The following RNF216 variants were observed in gnomAD, a reference collection of about 807,000 sequenced individuals.
The protein encoded by RNF216 is E3 ubiquitin-protein ligase RNF216.
RNF216 carries 72 observed loss-of-function variants against 110.8 expected under a neutral mutation model. The ratio of observed to expected loss-of-function variants is 0.65; its 90% confidence interval spans 0.54 to 0.79. RNF216 has a LOEUF of 0.79. Ranked by LOEUF, RNF216 falls within the 30% of genes least tolerant of loss-of-function variation. The probability of loss-of-function intolerance (pLI) is 0.00; values close to 1 mark genes in which losing one functional copy is unlikely to be tolerated. For synonymous variants in RNF216, 495 were observed against 407.5 expected (o/e 1.21, Z -2.59); for missense variants, 1,342 against 1,141.2 (o/e 1.18, Z -2.54).
intron 13 of RNF216, among the ~76,000 whole-genome samples, chr7:5,666,971 T>A (rs1179817298): frequency 6.6e-6 from 1 of 152,112 alleles, no homozygotes; most frequent in African/African-American, 2.4e-5. Context: ...CATGCCACCA[T>A]ACCTGGCTAA....
At chr7:5,706,300 T>A (rs1584483912) in intron 13 of RNF216, among the ~76,000 whole-genome samples, 1 of 151,482 alleles carries the variant, frequency 6.6e-6, no homozygotes, top group African/African-American at 2.4e-5. Flanking sequence ...GTGTACAGGG[T>A]CTGTTAGCAA....
intron 9 of RNF216, 56 bp downstream of exon 9, chr7:5,720,977 T>G (rs1428336021): frequency 4.4e-6 from 7 of 1,583,422 alleles, no homozygotes; most frequent in Admixed American, 1.7e-5. Flanking sequence ...AACTAAACCC[T>G]AAGAGCAAAC....
At chr7:5,732,209 T>C (rs1465983235) in intron 5 of RNF216, among the ~76,000 whole-genome samples, 2 of 152,170 alleles carry the variant, frequency 1.3e-5, no homozygotes, top group Non-Finnish European at 2.9e-5. Flanking sequence ...AATTCACTGG[T>C]GTGCACTGAG....
intron 13 of RNF216, among the ~76,000 whole-genome samples, chr7:5,706,454 C>T (rs778393807): frequency 3.9e-5 from 6 of 152,154 alleles, no homozygotes; most frequent in African/African-American, 9.7e-5. Context: ...TACTTTAGAT[C>T]CTGCATTTAA....
At chr7:5,668,914 A>G (rs1415791477) in intron 13 of RNF216, among the ~76,000 whole-genome samples, 1 of 152,240 alleles carries the variant, frequency 6.6e-6, no homozygotes, top group Non-Finnish European at 1.5e-5. Flanking sequence ...TGATGCCTCT[A>G]GATGTGACTA....
In RNF216 at chr7:5,739,256, A is replaced by T. The variant is rs1023422888; in HGVS notation, c.1121+20T>A. Reference sequence around the variant, plus strand: ...ACCACCACCACCACCACCACAAAAAAAGCATGGTAGTATACTTACACATTC... The same window carrying T: ...ACCACCACCACCACCACCACAAAAATAGCATGGTAGTATACTTACACATTC... On this transcript the variant is annotated intron_variant, in intron 5 of 16. Coordinates refer to ENST00000389902, the MANE Select transcript of RNF216 (RefSeq NM_207111.4). 1 of 1,527,864 alleles carries T rather than the reference A, an allele frequency of 6.5e-7. No homozygotes were observed. The highest frequency in any genetic ancestry group is 8.8e-7 in the Non-Finnish European group (1 of 1,142,328). 94.6% of individuals were successfully genotyped at this position (1,527,864 alleles called of 1,614,324 possible).
intron 13 of RNF216, among the ~76,000 whole-genome samples, chr7:5,665,129 T>G (rs1789424454): frequency 6.6e-6 from 1 of 152,188 alleles, no homozygotes; most frequent in African/African-American, 2.4e-5. Flanking sequence ...TGAATTCTTC[T>G]AACAGTGTCT....
At chr7:5,634,103 T>C (rs1787249510) in intron 15 of RNF216, among the ~76,000 whole-genome samples, 1 of 152,224 alleles carries the variant, frequency 6.6e-6, no homozygotes, top group Non-Finnish European at 1.5e-5. Context: ...ACAAAACTAT[T>C]TTTGCCAAAG....
At chr7:5,652,953 A>G (rs970694399) in intron 13 of RNF216, among the ~76,000 whole-genome samples, 3 of 152,204 alleles carry the variant, frequency 2.0e-5, no homozygotes, top group Non-Finnish European at 1.5e-5. Context: ...GAAAAAACCA[A>G]AGGAGACGGA....
At chr7:5,778,128 A>C (rs372347863) in intron 1 of RNF216, among the ~76,000 whole-genome samples, 2 of 152,304 alleles carry the variant, frequency 1.3e-5, no homozygotes. Flanking sequence ...GGTGAAACCG[A>C]AATCCTTACC....
chr7:5,773,842 C>T (rs1029627520), intron 1 of RNF216, among the ~76,000 whole-genome samples: 3 of 152,340 alleles, frequency 2.0e-5, no homozygotes, highest in African/African-American at 7.2e-5. Context: ...CCTGGGATAA[C>T]AGGCGAGTCA....
chr7:5,734,951 G>A (rs1452580356), intron 5 of RNF216, among the ~76,000 whole-genome samples: 1 of 152,000 alleles, frequency 6.6e-6, no homozygotes, highest in Non-Finnish European at 1.5e-5. Context: ...AGGAGTTCGA[G>A]ACCAGCCTGG....
chr7:5,753,849 G>C (rs909383306), intron 2 of RNF216, among the ~76,000 whole-genome samples: 1 of 152,196 alleles, frequency 6.6e-6, no homozygotes, highest in East Asian at 1.9e-4. Flanking sequence ...ACAAAAATTA[G>C]CCATGCGTGG....
chr7:5,666,868 G>A (rs929136970), intron 13 of RNF216, among the ~76,000 whole-genome samples: 23 of 149,880 alleles, frequency 1.5e-4, no homozygotes, highest in Non-Finnish European at 3.0e-4. Flanking sequence ...AGGCTGGGGT[G>A]CAGTCAGTGG....
chr7:5,735,397 G>C (rs544525926), intron 5 of RNF216, among the ~76,000 whole-genome samples: 21 of 152,088 alleles, frequency 1.4e-4, no homozygotes, highest in African/African-American at 4.6e-4. Flanking sequence ...TAACATATCA[G>C]AACAATCAAA....
chr7:5,666,736 AG>A (rs1206526339), intron 13 of RNF216: 7 of 151,978 alleles, frequency 4.6e-5, no homozygotes, highest in African/African-American at 1.5e-4. Flanking sequence ...GCTGTGACTA[AG>A]CCCCTTCCAA....
chr7:5,672,173 A>C (rs1789962541), intron 13 of RNF216, among the ~76,000 whole-genome samples: 1 of 152,166 alleles, frequency 6.6e-6, no homozygotes. Flanking sequence ...ATTCTGGGAG[A>C]CAGATGGAAA....
intron 1 of RNF216, among the ~76,000 whole-genome samples, chr7:5,765,606 G>C (rs1796162488): frequency 6.6e-6 from 1 of 151,484 alleles, no homozygotes; most frequent in Admixed American, 6.6e-5. Context: ...CTCCAGCCAG[G>C]GTGAGAGCGA....
At chr7:5,760,544 A>G (rs1795880802) in intron 2 of RNF216, 3 of 322,122 alleles carry the variant, frequency 9.3e-6, no homozygotes, top group South Asian at 7.3e-5. Flanking sequence ...ACAAAACAAA[A>G]CTGTAGAACA....
Sources: gnomAD v4.1 joint callset for allele counts (sites outside exome capture counted in the v4.1 genomes callset) on GRCh38, gnomAD v4.1.1 for gene constraint, MANE v1.5 for transcripts, NCBI Gene and HGNC (gene_info 2026-07-23, HGNC 2026-07-21) for gene names.